Variants in CMTM3 observed in about 807,000 individuals in gnomAD.
The protein encoded by CMTM3 is CKLF-like MARVEL transmembrane domain-containing protein 3.
Under a neutral mutation model 18.2 loss-of-function variants are expected in CMTM3, and 7 were observed. That is an observed-to-expected ratio of 0.38 (90% confidence interval 0.22 to 0.72). The LOEUF (loss-of-function observed/expected upper bound fraction) is 0.72. CMTM3 is among the 30% of genes least tolerant of loss of function. The probability of loss-of-function intolerance (pLI) is 0.46; values close to 1 mark genes in which losing one functional copy is unlikely to be tolerated. For missense variants in CMTM3, 227 were observed against 249.2 expected, an observed-to-expected ratio of 0.91 and a Z score of 0.60; for synonymous variants, 109 against 111.2, an observed-to-expected ratio of 0.98 and a Z score of 0.12.
In CMTM3 at chr16:66,609,822, G is replaced by A; in HGVS notation, c.400-61G>A. On this transcript the variant is annotated intron_variant, in intron 3 of 4. Transcript: ENST00000567572. The surrounding 1 kb of genome is among the most constrained non-coding windows in gnomAD (Gnocchi z 4.4). ...ATCTGAAATGGGCCGTGAGGCTGGG[G>A]CAGCAGCCTCCCGGAGCAGGGAGTC... The A allele has an allele frequency of 6.2e-7, 1 of 1,614,150 alleles. No individual in the cohort carries two copies. Among genetic ancestry groups the A allele is most frequent in the Non-Finnish European group, 8.5e-7 (1 of 1,179,992 alleles).
At chr16:66,604,694 T>C (rs934551637), upstream of CMTM3, 2 of 859,788 alleles carry the variant, frequency 2.3e-6, no homozygotes, top group African/African-American at 1.8e-5. Context: ...GATGCGCCCC[T>C]GCGCGAGCCA....
Position 66,609,902 on chromosome 16 carries a change from C to A in CMTM3, c.419C>A (p.Thr140Asn), listed in dbSNP as rs775128868. 2 of 1,614,184 alleles carry A rather than the reference C, an allele frequency of 1.2e-6. No homozygotes were observed. The highest frequency in any genetic ancestry group is 2.2e-5 in the South Asian group (2 of 91,088). The change falls in exon 4 of 5, where the codon ACC (threonine) becomes AAC (asparagine). Residue 140 changes from threonine (T) to asparagine (N), a missense_variant. By Grantham distance (65) the Thr-to-Asn change is moderately conservative. Transcript: ENST00000567572. The surrounding 1 kb of genome is among the most constrained non-coding windows in gnomAD (Gnocchi z 4.4). ...KAAGVFGFFA[T>N]IVFATDFYLI... ...CCACAGGTGTTTGGCTTCTTTGCTA[C>A]CATCGTGTTTGCAACTGATTTCTAC... is the stretch of plus-strand genomic sequence containing the variant.
chr16:66,612,793 C>G lies in CMTM3; in HGVS notation c.*156C>G. 1.4e-6 allele frequency: 1 copy of G among 711,092 alleles called. No homozygotes were observed. The highest frequency in any genetic ancestry group is 2.4e-6 in the Non-Finnish European group (1 of 423,442). The allele number at this position is 711,092 out of a possible 1,614,324, so 44.0% of individuals were successfully genotyped here. ...CTACAGCCTCAGGTTCTGCCTGAGC[C>G]CAGCCTACCAGGCTTGCCCCTCAGC... On this transcript the variant is annotated 3_prime_UTR_variant, in exon 5 of 5. Transcript: ENST00000567572. The surrounding 1 kb of genome is among the most constrained non-coding windows in gnomAD (Gnocchi z 6.0).
chr16:66,609,520 A>C lies in CMTM3; in HGVS notation c.389A>C (p.Lys130Thr). ...GCCAAGTACTCGGATGGGGCTTCCAAAGCCGCTGGGGTGAGCAGCCGCCCC... is the reference window on the plus strand; with the variant it reads ...GCCAAGTACTCGGATGGGGCTTCCACAGCCGCTGGGGTGAGCAGCCGCCCC... The part of the protein sequence containing the change: ...AIAKYSDGAS[K>T]AAGVFGFFAT... Residue 130 changes from lysine to threonine, a missense_variant, in exon 3 of 5, where the codon AAA becomes ACA. Physicochemically the swap from Lys to Thr is moderately conservative, Grantham distance 78. Coordinates refer to ENST00000567572, the MANE Select transcript of CMTM3 (RefSeq NM_181553.4). The surrounding 1 kb of genome is among the most constrained non-coding windows in gnomAD (Gnocchi z 4.4). 6.2e-7 allele frequency: 1 copy of C among 1,602,028 alleles called. No individual in the cohort carries two copies. The highest frequency in any genetic ancestry group is 8.5e-7 in the Non-Finnish European group (1 of 1,173,880).
In CMTM3 at chr16:66,612,757, C is replaced by A; in HGVS notation, c.*120C>A. 1 of 956,322 alleles carries A rather than the reference C, an allele frequency of 1.0e-6. No individual in the cohort carries two copies. The highest frequency in any genetic ancestry group is 1.6e-6 in the Non-Finnish European group (1 of 625,942). 59.2% of individuals were successfully genotyped at this position (956,322 alleles called of 1,614,324 possible). ...TGAGTTGCAGAGGGGGCTGCGGACACAGCAGGCCCCCTACAGCCTCAGGTT... is the reference window on the plus strand; with the variant it reads ...TGAGTTGCAGAGGGGGCTGCGGACAAAGCAGGCCCCCTACAGCCTCAGGTT... On this transcript the variant is annotated 3_prime_UTR_variant, in exon 5 of 5. Transcript: ENST00000567572. The surrounding 1 kb of genome is among the most constrained non-coding windows in gnomAD (Gnocchi z 6.0).
In CMTM3 at chr16:66,610,418, C is replaced by T. The variant is rs905422899; in HGVS notation, c.520+415C>T. Among the ~76,000 whole-genome samples, 9 of 152,134 alleles carry T rather than the reference C, an allele frequency of 5.9e-5. No individual in the cohort carries two copies. Among genetic ancestry groups the T allele is most frequent in the African/African-American group, 1.9e-4 (8 of 41,422 alleles). On this transcript the variant is annotated intron_variant, in intron 4 of 4. Transcript: ENST00000567572. The surrounding 1 kb of genome is among the most constrained non-coding windows in gnomAD (Gnocchi z 4.6). ...CCAGAAAGGAGTCAGACCCAGAAACCGTGGCAAGGGACAGATGATGTGTCC... is the reference window on the plus strand; with the variant it reads ...CCAGAAAGGAGTCAGACCCAGAAACTGTGGCAAGGGACAGATGATGTGTCC...
Position 66,608,275 on chromosome 16 carries a change from G to T in CMTM3, c.148-34G>T. 10 of 1,612,412 alleles carry T rather than the reference G, an allele frequency of 6.2e-6. No homozygotes were observed. The highest frequency in any genetic ancestry group is 8.5e-6 in the Non-Finnish European group (10 of 1,178,956). ...GAGCACTGGACAAGGAACATGAAAA[G>T]GCTCTGACTTCACCTCAAACTCCTT... is the stretch of plus-strand genomic sequence containing the variant. On this transcript the variant is annotated intron_variant, in intron 1 of 4. Coordinates refer to ENST00000567572, the MANE Select transcript of CMTM3 (RefSeq NM_181553.4). The surrounding 1 kb of genome is among the most constrained non-coding windows in gnomAD (Gnocchi z 5.1).
rs1213425546 is a variant in CMTM3 at position 66,608,514 on chromosome 16, G to A, written c.303+50G>A. ...AGGGGTGCCCTGCACAAAGTGGCCA[G>A]ATGAGGAGTCCAGAGTCGTGCACTT... On this transcript the variant is annotated intron_variant, in intron 2 of 4. Transcript: ENST00000567572. This position sits in a 1 kb window ranked among gnomAD's most constrained non-coding sequence, Gnocchi z 5.1. 2.5e-6 allele frequency: 4 copies of A among 1,594,532 alleles called. No individual in the cohort carries two copies. The highest frequency in any genetic ancestry group is 3.4e-6 in the Non-Finnish European group (4 of 1,167,870).
At position 66,610,342 on chromosome 16, in the gene CMTM3, C is replaced by T. The variant is rs2015330250; in HGVS notation, c.520+339C>T. Among the ~76,000 whole-genome samples, 1 of 152,152 alleles carries T rather than the reference C, an allele frequency of 6.6e-6. No individual in the cohort carries two copies. The highest frequency in any genetic ancestry group is 6.5e-5 in the Admixed American group (1 of 15,290). ...ATCCAGAGTGGCCATCCCCCAAACC[C>T]AGCCCCTCTGCTGTCTTACCCATCC... On this transcript the variant is annotated intron_variant, in intron 4 of 4. Coordinates refer to ENST00000567572, the MANE Select transcript of CMTM3 (RefSeq NM_181553.4). This position sits in a 1 kb window ranked among gnomAD's most constrained non-coding sequence, Gnocchi z 4.6.
rs1042928799 is a variant in CMTM3, at chr16:66,609,109, A to G, written c.304-326A>G. ...CCAGAGCCAGATCTCCCCAATGGAG[A>G]GCGGGAAGGGAGCAGGTGGGGGTGT... On this transcript the variant is annotated intron_variant, in intron 2 of 4. Transcript: ENST00000567572. This position sits in a 1 kb window ranked among gnomAD's most constrained non-coding sequence, Gnocchi z 4.4. Among the ~76,000 whole-genome samples the G allele has an allele frequency of 2.6e-5, 4 of 152,140 alleles. No individual in the cohort carries two copies. Among genetic ancestry groups the G allele is most frequent in the Non-Finnish European group, 5.9e-5 (4 of 68,002 alleles).
In CMTM3 at chr16:66,605,468, C is replaced by T. The variant is rs1262681430; in HGVS notation, c.147+516C>T. On this transcript the variant is annotated intron_variant, in intron 1 of 4. Transcript: ENST00000567572. The surrounding 1 kb of genome is among the most constrained non-coding windows in gnomAD (Gnocchi z 4.6). ...GTGACTTCATCGCCCTCCTCCCCTC[C>T]GCGGCCGGGCTCCTTCCTACTCCGC... 6.5e-6 allele frequency: 1 copy of T among 152,728 alleles called. No individual in the cohort carries two copies. Among genetic ancestry groups the T allele is most frequent in the Non-Finnish European group, 1.5e-5 (1 of 68,402 alleles). 9.5% of individuals were successfully genotyped at this position (152,728 alleles called of 1,614,324 possible). A position where few individuals can be genotyped will look rare whatever the true frequency, so the allele number is the denominator to read the frequency against.
Position 66,604,841 on chromosome 16 carries a change from C to G in CMTM3, c.36C>G (p.Pro12=). The G allele has an allele frequency of 7.4e-7, 1 of 1,353,408 alleles. No individual in the cohort carries two copies. Among genetic ancestry groups the G allele is most frequent in the African/African-American group, 1.5e-5 (1 of 65,280 alleles). 83.8% of individuals were successfully genotyped at this position (1,353,408 alleles called of 1,614,324 possible). A position where few individuals can be genotyped will look rare whatever the true frequency, so the allele number is the denominator to read the frequency against. ...CAGACCCCGACCCCGACCCGGACCC[C>G]GAGCCTGCCGGCGGCTCCCGTCCCG... The part of the protein sequence containing the change: ...WPPDPDPDPD[P]EPAGGSRPGP... The change falls in exon 1 of 5, where the codon CCC becomes CCG. Residue 12 remains proline, a synonymous_variant. Coordinates refer to ENST00000567572, the MANE Select transcript of CMTM3 (RefSeq NM_181553.4).
intron 1 of CMTM3, among the ~76,000 whole-genome samples, chr16:66,607,267 C>T (rs1400823268): frequency 6.6e-6 from 1 of 152,208 alleles, no homozygotes; most frequent in African/African-American, 2.4e-5. Context: ...ATCAGCTCTT[C>T]CCACCTACAG....
upstream of CMTM3, chr16:66,604,592 G>T: frequency 5.7e-6 from 2 of 349,222 alleles, no homozygotes; most frequent in Non-Finnish European, 1.0e-5. Context: ...GGGAGGGGGC[G>T]GGTCGGGCCC....
rs1016743622 is a variant in CMTM3, at chr16:66,608,575, C to T, written c.303+111C>T. ...CCTTTCTCTAGTGTGCTGGAGTTTG[C>T]AGTTGGTTAGAACTGGATGGAGAGA... On this transcript the variant is annotated intron_variant, in intron 2 of 4. Coordinates refer to ENST00000567572, the MANE Select transcript of CMTM3 (RefSeq NM_181553.4). This position sits in a 1 kb window ranked among gnomAD's most constrained non-coding sequence, Gnocchi z 5.1. 1 of 1,123,546 alleles carries T rather than the reference C, an allele frequency of 8.9e-7. No homozygotes were observed. Among genetic ancestry groups the T allele is most frequent in the Non-Finnish European group, 1.3e-6 (1 of 789,200 alleles). The allele number at this position is 1,123,546 out of a possible 1,614,324, so 69.6% of individuals were successfully genotyped here.
chr16:66,611,772 C>T (rs973241874), intron 4 of CMTM3, among the ~76,000 whole-genome samples: 1 of 151,964 alleles, frequency 6.6e-6, no homozygotes, highest in Non-Finnish European at 1.5e-5. Flanking sequence ...CAGGAACCCT[C>T]GAGGTACACC....
chr16:66,612,467 G>C lies in CMTM3; in HGVS notation c.521-142G>C. 4 of 765,486 alleles carry C rather than the reference G, an allele frequency of 5.2e-6. No individual in the cohort carries two copies. Among genetic ancestry groups the C allele is most frequent in the Non-Finnish European group, 8.6e-6 (4 of 465,296 alleles). The allele number at this position is 765,486 out of a possible 1,614,324, so 47.4% of individuals were successfully genotyped here. On this transcript the variant is annotated intron_variant, in intron 4 of 4. Coordinates refer to ENST00000567572, the MANE Select transcript of CMTM3 (RefSeq NM_181553.4). This position sits in a 1 kb window ranked among gnomAD's most constrained non-coding sequence, Gnocchi z 6.0. ...GCCCGCGGCCTGCCCTGATGCCAGC[G>C]ATCACTGGGAACGGTAGAGTCAGCT...
intron 1 of CMTM3, among the ~76,000 whole-genome samples, chr16:66,606,493 G>A (rs909327242): frequency 1.3e-5 from 2 of 151,608 alleles, no homozygotes; most frequent in Non-Finnish European, 2.9e-5. Context: ...CAGAGCAAAT[G>A]GGGGTGCTCT....
Position 66,604,853 on chromosome 16 carries a change from C to T in CMTM3, c.48C>T (p.Gly16=). Residue 16 remains glycine, a synonymous_variant, in exon 1 of 5, where the codon GGC becomes GGT. Transcript: ENST00000567572. ...PDPDPDPEPA[G]GSRPGPAVPG... is the part of the protein sequence containing the mutation. ...CCGACCCGGACCCCGAGCCTGCCGG[C>T]GGCTCCCGTCCCGGCCCCGCGGTCC... is the stretch of plus-strand genomic sequence containing the variant. 1.5e-6 allele frequency: 2 copies of T among 1,368,274 alleles called. No homozygotes were observed. The highest frequency in any genetic ancestry group is 1.7e-5 in the South Asian group (1 of 58,328). 84.8% of individuals were successfully genotyped at this position (1,368,274 alleles called of 1,614,324 possible).
Sources: allele counts gnomAD v4.1 joint callset (sites outside exome capture counted in the v4.1 genomes callset), GRCh38; gene constraint gnomAD v4.1.1; non-coding constraint Gnocchi (gnomAD v3.1); transcripts MANE v1.5; gene names NCBI Gene and HGNC (gene_info 2026-07-23, HGNC 2026-07-21).